PTPRJ: variants seen among roughly 807,000 people sequenced by gnomAD.
PTPRJ encodes the protein protein tyrosine phosphatase receptor type J.
In PTPRJ, 129 loss-of-function variants were observed where a neutral mutation model predicts 141.3. The observed-to-expected ratio is 0.91, with a 90% CI of 0.79 to 1.06. The LOEUF is 1.06. Ranked by LOEUF, PTPRJ falls within the 50% of genes least tolerant of loss-of-function variation. PTPRJ has a pLI of 0.00. For synonymous variants in PTPRJ, 610 were observed against 640.5 expected (o/e 0.95, Z 0.72); for missense variants, 1,601 against 1,679.7 (o/e 0.95, Z 0.82).
intron 1 of PTPRJ, among the ~76,000 whole-genome samples, chr11:48,035,538 C>CTTTTTTTTTTTTTTTT (rs66504227): frequency 1.2e-3 from 76 of 61,758 alleles, no homozygotes; most frequent in South Asian, 2.6e-3. Context: ...CTTTCTTCTT[C>CTTTTTTTTTTTTTTTT]TTTTTTTTTT....
rs1252573785 is a variant in PTPRJ at position 47,980,863 on chromosome 11, C to T, written c.-50C>T. ...ACGACGGTGCCCGGGCTCGGGCGCA[C>T]GGCGGGGCCCGATTCGCGCGTCCGG... On this transcript the variant is annotated 5_prime_UTR_variant, in exon 1 of 25. It adds an upstream start codon to the 5' untranslated region. Transcript: ENST00000418331. The T allele has an allele frequency of 9.2e-7, 1 of 1,086,712 alleles. No homozygotes were observed. Among genetic ancestry groups the T allele is most frequent in the Non-Finnish European group, 1.1e-6 (1 of 897,264 alleles). The allele number at this position is 1,086,712 out of a possible 1,614,324, so 67.3% of individuals were successfully genotyped here. A position where few individuals can be genotyped will look rare whatever the true frequency, so the allele number is the denominator to read the frequency against.
At chr11:48,097,036 C>T (rs574517345) in intron 1 of PTPRJ, among the ~76,000 whole-genome samples, 2 of 152,294 alleles carry the variant, frequency 1.3e-5, no homozygotes, top group African/African-American at 2.4e-5. Flanking sequence ...GCCCACCCTC[C>T]TGTTCCCCAT....
intron 1 of PTPRJ, among the ~76,000 whole-genome samples, chr11:48,048,881 A>T (rs1854477757): frequency 6.6e-6 from 1 of 152,194 alleles, no homozygotes; most frequent in Non-Finnish European, 1.5e-5. Context: ...TGGAAGGCAG[A>T]TATTTCTGTT....
At chr11:48,159,671 G>C (rs1377813478) in intron 21 of PTPRJ, among the ~76,000 whole-genome samples, 1 of 152,216 alleles carries the variant, frequency 6.6e-6, no homozygotes, top group East Asian at 1.9e-4. Context: ...CATGAGGATT[G>C]CTTGAGTGCA....
intron 1 of PTPRJ, among the ~76,000 whole-genome samples, chr11:48,103,842 C>A (rs576236527): frequency 2.0e-5 from 3 of 152,240 alleles, no homozygotes; most frequent in Non-Finnish European, 4.4e-5. Flanking sequence ...CACAGCCTCA[C>A]CAAAATAGCC....
At chr11:48,018,932 G>A (rs1241094280) in intron 1 of PTPRJ, among the ~76,000 whole-genome samples, 1 of 152,174 alleles carries the variant, frequency 6.6e-6, no homozygotes, top group African/African-American at 2.4e-5. Flanking sequence ...CGCCTCTGCA[G>A]GCTGGTGGGG....
chr11:48,071,187 C>A (rs1855237558), intron 1 of PTPRJ, among the ~76,000 whole-genome samples: 1 of 152,138 alleles, frequency 6.6e-6, no homozygotes, highest in African/African-American at 2.4e-5. Context: ...CTATGGGGTT[C>A]CGAACAGATA....
chr11:47,991,337 T>A (rs1854188299), intron 1 of PTPRJ, among the ~76,000 whole-genome samples: 1 of 152,120 alleles, frequency 6.6e-6, no homozygotes, highest in Admixed American at 6.6e-5. Context: ...TTTCTCTTTA[T>A]CTTGTGACCT....
At chr11:48,159,119 T>G (rs1370711211) in intron 21 of PTPRJ, among the ~76,000 whole-genome samples, 16 of 16,730 alleles carry the variant, frequency 9.6e-4, no homozygotes, top group Non-Finnish European at 1.3e-3. Context: ...TGTGTGTATG[T>G]GGGGTGTGTG....
chr11:47,994,327 C>T (rs1854275338), intron 1 of PTPRJ, among the ~76,000 whole-genome samples: 1 of 152,094 alleles, frequency 6.6e-6, no homozygotes, highest in African/African-American at 2.4e-5. Context: ...TAACCTCCTA[C>T]ATGTGCTTTG....
chr11:48,023,071 A>G (rs1283051874), intron 1 of PTPRJ, among the ~76,000 whole-genome samples: 1 of 152,196 alleles, frequency 6.6e-6, no homozygotes, highest in Non-Finnish European at 1.5e-5. Flanking sequence ...GGAGGTACAA[A>G]TGGCTTCGTG....
At position 47,992,867 on chromosome 11, in the gene PTPRJ, T is replaced by C. The variant is rs946494513; in HGVS notation, c.96+11859T>C. Among the ~76,000 whole-genome samples the C allele has an allele frequency of 5.3e-4, 80 of 152,306 alleles. 1 individual carries two copies. Among genetic ancestry groups the C allele is most frequent in the African/African-American group, 1.6e-3 (65 of 41,566 alleles). ...CGCACGTGTGTGTGGTGTGTATGTG[T>C]GTATACTAAATTGCATATAAAATGA... On this transcript the variant is annotated intron_variant, in intron 1 of 24. Coordinates refer to ENST00000418331, the MANE Select transcript of PTPRJ (RefSeq NM_002843.4).
At position 48,125,180 on chromosome 11, in the gene PTPRJ, A is replaced by C; in HGVS notation, c.1087A>C (p.Arg363=). ...TEGQPQAIEF[R]TNAIQVFDVT... ...AGGACAGCCCCAGGCCATAGAGTTC[A>C]GGACAAGTAGGTTGAACTTTGTAAA... The change falls in exon 6 of 25, where the codon AGG becomes CGG. Residue 363 remains arginine, a synonymous_variant. Transcript: ENST00000418331. 1 of 1,614,136 alleles carries C rather than the reference A, an allele frequency of 6.2e-7. No homozygotes were observed. Among genetic ancestry groups the C allele is most frequent in the Non-Finnish European group, 8.5e-7 (1 of 1,179,992 alleles).
intron 1 of PTPRJ, among the ~76,000 whole-genome samples, chr11:48,057,297 AGTT>A (rs10608002): frequency 0.029 from 4,466 of 152,284 alleles, 218 homozygotes; most frequent in African/African-American, 0.1. Context: ...GGTAAACGTT[AGTT>A]GTTCTTTTAA....
chr11:48,098,802 AG>A (rs1856081461), intron 1 of PTPRJ, among the ~76,000 whole-genome samples: 2 of 15,898 alleles, frequency 1.3e-4, no homozygotes, highest in Non-Finnish European at 6.8e-4. Flanking sequence ...TACAGGCGTG[AG>A]CCACCGCGCC....
chr11:48,067,148 T>C (rs1184197105), intron 1 of PTPRJ, among the ~76,000 whole-genome samples: 1 of 152,170 alleles, frequency 6.6e-6, no homozygotes, highest in Non-Finnish European at 1.5e-5. Context: ...CTTCCTTTTT[T>C]CTCTCCTCTG....
chr11:48,110,956 C>T (rs1413264336), intron 2 of PTPRJ, among the ~76,000 whole-genome samples: 1 of 152,214 alleles, frequency 6.6e-6, no homozygotes, highest in Non-Finnish European at 1.5e-5. Flanking sequence ...TATGTCCTTA[C>T]TAATTTTTTG....
chr11:47,990,781 G>C (rs1854171879), intron 1 of PTPRJ, among the ~76,000 whole-genome samples: 2 of 150,714 alleles, frequency 1.3e-5, no homozygotes, highest in South Asian at 4.2e-4. Flanking sequence ...CACCTCCCGG[G>C]TTCACGCCGT....
intron 2 of PTPRJ, 128 bp downstream of exon 2, chr11:48,110,204 C>G: frequency 8.9e-7 from 1 of 1,118,528 alleles, no homozygotes; most frequent in South Asian, 1.5e-5. Context: ...TTTTCTTTTT[C>G]TTTTTCTTTT....
Sources: allele counts gnomAD v4.1 joint callset (sites outside exome capture counted in the v4.1 genomes callset), GRCh38; gene constraint gnomAD v4.1.1; transcripts MANE v1.5; gene names NCBI Gene and HGNC (gene_info 2026-07-23, HGNC 2026-07-21).